Variants in SUPT3H observed in about 807,000 individuals in gnomAD.
SUPT3H encodes SPT3 homolog, SAGA and STAGA complex component, also known as transcription initiation protein SPT3 homolog.
A neutral mutation model predicts 44.3 loss-of-function variants in SUPT3H; 44 were observed. The observed-to-expected ratio is 0.99, with a 90% CI of 0.78 to 1.28. The LOEUF (loss-of-function observed/expected upper bound fraction) is 1.28. Ranked by LOEUF, SUPT3H falls within the 50% of genes most tolerant of loss-of-function variation. The pLI is 0.00. For synonymous variants in SUPT3H, 124 were observed against 125.6 expected, an observed-to-expected ratio of 0.99 and a Z score of 0.09; for missense variants, 380 against 387.1, an observed-to-expected ratio of 0.98 and a Z score of 0.15.
chr6:45,017,189 G>A (rs1784423149), intron 4 of SUPT3H, among the ~76,000 whole-genome samples: 1 of 150,656 alleles, frequency 6.6e-6, no homozygotes, highest in South Asian at 2.1e-4. Context: ...TTTTGATGGG[G>A]TTGTTTGTTT....
chr6:44,843,872 C>T (rs189053064), intron 10 of SUPT3H, among the ~76,000 whole-genome samples: 222 of 150,820 alleles, frequency 1.5e-3, no homozygotes, highest in African/African-American at 5.1e-3. Flanking sequence ...AAACTGATTC[C>T]AAATAAAAAC....
intron 10 of SUPT3H, among the ~76,000 whole-genome samples, chr6:44,853,442 T>C (rs963780683): frequency 1.3e-5 from 2 of 152,142 alleles, no homozygotes; most frequent in African/African-American, 4.8e-5. Flanking sequence ...GAAGGATTGC[T>C]TGAGCCCAGA....
At chr6:44,877,905 T>C (rs1299697921) in intron 10 of SUPT3H, among the ~76,000 whole-genome samples, 1 of 152,200 alleles carries the variant, frequency 6.6e-6, no homozygotes, top group Non-Finnish European at 1.5e-5. Context: ...AAAGGTTCTT[T>C]GAATAAGCCT....
At chr6:45,278,562 T>G (rs1380369795) in intron 2 of SUPT3H, among the ~76,000 whole-genome samples, 1 of 152,190 alleles carries the variant, frequency 6.6e-6, no homozygotes, top group Non-Finnish European at 1.5e-5. Context: ...GAAAATGACC[T>G]CATTATGACA....
intron 2 of SUPT3H, among the ~76,000 whole-genome samples, chr6:45,230,686 A>ATATATATATATATATTTTTTTTTTTTT (rs796866510): frequency 2.6e-5 from 3 of 116,790 alleles, no homozygotes; most frequent in South Asian, 3.1e-4. Context: ...ATATATATAT[A>ATATATATATATATATTTTTTTTTTTTT]TTTTTGAGAT....
chr6:45,337,033 C>A (rs1788705873), intron 2 of SUPT3H, among the ~76,000 whole-genome samples: 1 of 151,582 alleles, frequency 6.6e-6, no homozygotes, highest in Non-Finnish European at 1.5e-5. Context: ...ACAAAAAATG[C>A]AAGCAAATGC....
rs576824381 is a variant in SUPT3H, at chr6:45,087,188, A to G, written c.186+18734T>C. 3.9e-5 allele frequency among the ~76,000 whole-genome samples: 6 copies of G among 152,066 alleles called. No individual in the cohort carries two copies. In the East Asian group the frequency reaches 1.2e-3, roughly 29 times the overall value. On this transcript the variant is annotated intron_variant, in intron 3 of 10. Coordinates refer to ENST00000371459, the MANE Select transcript of SUPT3H (RefSeq NM_003599.4). ...TTAGGAATACATATTTTGAAGTGTT[A>G]AAGTGCAGAACTACTATACTGCATT...
intron 2 of SUPT3H, among the ~76,000 whole-genome samples, chr6:45,324,377 C>T (rs12526462): frequency 0.13 from 19,763 of 151,994 alleles, 1,527 homozygotes; most frequent in East Asian, 0.26. Context: ...CCAATACTAT[C>T]TAACAACTGA....
At chr6:45,232,837 G>A (rs1468070347) in intron 2 of SUPT3H, among the ~76,000 whole-genome samples, 1 of 152,054 alleles carries the variant, frequency 6.6e-6, no homozygotes, top group Non-Finnish European at 1.5e-5. Flanking sequence ...TGCCAGTGAG[G>A]GTGCCGTCAC....
At chr6:45,037,064 T>C (rs1202227068) in intron 3 of SUPT3H, among the ~76,000 whole-genome samples, 2 of 152,130 alleles carry the variant, frequency 1.3e-5, no homozygotes, top group African/African-American at 4.8e-5. Flanking sequence ...TATGAATTAC[T>C]GGTACATAGA....
chr6:44,881,884 C>T (rs900753993), intron 10 of SUPT3H, among the ~76,000 whole-genome samples: 1 of 152,122 alleles, frequency 6.6e-6, no homozygotes, highest in Admixed American at 6.6e-5. Context: ...ACAGCTAAAG[C>T]AGTGATTAGA....
At chr6:44,924,036 T>C (rs1001068944) in intron 10 of SUPT3H, among the ~76,000 whole-genome samples, 2 of 152,106 alleles carry the variant, frequency 1.3e-5, no homozygotes, top group Admixed American at 1.3e-4. Context: ...TGTGACATCT[T>C]TAAGTAGCTT....
Position 44,826,855 on chromosome 6 carries a change from A to G in SUPT3H, c.*2961T>C, listed in dbSNP as rs899372882. 6.6e-6 allele frequency among the ~76,000 whole-genome samples: 1 copy of G among 152,218 alleles called. No individual in the cohort carries two copies. Among genetic ancestry groups the G allele is most frequent in the East Asian group, 1.9e-4 (1 of 5,200 alleles). Reference sequence around the variant, plus strand: ...TAAATGAAGGGTTCTCCCCAGATACAGGAATTATATACACCATTTAAAAAA... The same window carrying G: ...TAAATGAAGGGTTCTCCCCAGATACGGGAATTATATACACCATTTAAAAAA... On this transcript the variant is annotated 3_prime_UTR_variant, in exon 11 of 11. Transcript: ENST00000371459.
At chr6:44,851,067 T>A (rs957919515) in intron 10 of SUPT3H, among the ~76,000 whole-genome samples, 2 of 152,168 alleles carry the variant, frequency 1.3e-5, no homozygotes, top group African/African-American at 4.8e-5. Flanking sequence ...ATTCATGTGA[T>A]GGAATTCTGG....
intron 2 of SUPT3H, among the ~76,000 whole-genome samples, chr6:45,341,560 G>GA (rs1789779460): frequency 6.6e-6 from 1 of 152,090 alleles, no homozygotes; most frequent in Non-Finnish European, 1.5e-5. Flanking sequence ...GTTTTCATTA[G>GA]AAACATCCAC....
At chr6:45,315,379 A>G (rs1326813021) in intron 2 of SUPT3H, among the ~76,000 whole-genome samples, 3 of 152,154 alleles carry the variant, frequency 2.0e-5, no homozygotes, top group African/African-American at 4.8e-5. Flanking sequence ...CACAATCTAT[A>G]TATCTGACAA....
At chr6:45,195,953 G>A (rs1478553299) in intron 2 of SUPT3H, among the ~76,000 whole-genome samples, 5 of 152,070 alleles carry the variant, frequency 3.3e-5, no homozygotes, top group African/African-American at 9.7e-5. Flanking sequence ...CTTACCCAAG[G>A]AAGGAGAAGA....
At chr6:45,336,844 T>C (rs1004391576) in intron 2 of SUPT3H, among the ~76,000 whole-genome samples, 3 of 151,578 alleles carry the variant, frequency 2.0e-5, no homozygotes, top group Non-Finnish European at 3.0e-5. Flanking sequence ...TTCATTCAAA[T>C]ACATGGTCAA....
At chr6:45,155,670 T>A (rs1807701673) in intron 2 of SUPT3H, among the ~76,000 whole-genome samples, 1 of 152,012 alleles carries the variant, frequency 6.6e-6, no homozygotes, top group South Asian at 2.1e-4. Context: ...GCATGAAGGA[T>A]GGGGAGTTAG....
Sources: gnomAD v4.1 joint callset for allele counts (sites outside exome capture counted in the v4.1 genomes callset) on GRCh38, gnomAD v4.1.1 for gene constraint, MANE v1.5 for transcripts, NCBI Gene and HGNC (gene_info 2026-07-23, HGNC 2026-07-21) for gene names.